MLLT10: variants seen among roughly 807,000 people sequenced by gnomAD.
MLLT10 encodes the protein protein AF-10.
In MLLT10, 30 loss-of-function variants were observed where a neutral mutation model predicts 129.1. The observed-to-expected ratio is 0.23, with a 90% CI of 0.17 to 0.32. The LOEUF (loss-of-function observed/expected upper bound fraction) is 0.32, where lower values mean the gene tolerates loss of function less well. MLLT10 is among the 10% of genes least tolerant of loss of function. The pLI, the probability that MLLT10 is intolerant of heterozygous loss-of-function variation, is 1.00. For synonymous variants in MLLT10, 490 were observed against 446.4 expected, an observed-to-expected ratio of 1.10 and a Z score of -1.23; for missense variants, 1,119 against 1,268.3, an observed-to-expected ratio of 0.88 and a Z score of 1.79.
intron 8 of MLLT10, among the ~76,000 whole-genome samples, chr10:21,647,479 G>C (rs770886364): frequency 6.6e-6 from 1 of 152,126 alleles, no homozygotes; most frequent in African/African-American, 2.4e-5. Context: ...AAAATAGCAA[G>C]ACCCAGTCTC....
chr10:21,535,215 C>T (rs887418719), intron 2 of MLLT10, among the ~76,000 whole-genome samples: 2 of 152,224 alleles, frequency 1.3e-5, no homozygotes, highest in South Asian at 2.1e-4. Context: ...CCCTCTTCTC[C>T]CCTGGCCTGC....
intron 20 of MLLT10, among the ~76,000 whole-genome samples, chr10:21,734,890 GAGTT>G (rs1425363854): frequency 6.6e-6 from 1 of 152,158 alleles, no homozygotes; most frequent in Non-Finnish European, 1.5e-5. Flanking sequence ...TCCATAAAAT[GAGTT>G]AGGGCCTATT....
At chr10:21,649,579 G>A (rs1419562040) in intron 8 of MLLT10, among the ~76,000 whole-genome samples, 1 of 152,224 alleles carries the variant, frequency 6.6e-6, no homozygotes, top group Non-Finnish European at 1.5e-5. Flanking sequence ...CTGGTGGCTA[G>A]CTGGGTGTTC....
At chr10:21,587,664 A>G (rs2042117086) in intron 4 of MLLT10, among the ~76,000 whole-genome samples, 1 of 152,140 alleles carries the variant, frequency 6.6e-6, no homozygotes, top group Admixed American at 6.6e-5. Flanking sequence ...ACTCTTCTCC[A>G]TTTTGGGTAG....
chr10:21,679,920 C>A lies in MLLT10; in HGVS notation c.1622-1412C>A, dbSNP rs1433061552. ...AATATCCAAGGAATTCCCAGTTATC[C>A]CTCCTTTAAAAAAATTTTTGCCAAC... On this transcript the variant is annotated intron_variant, in intron 11 of 22. Transcript: ENST00000307729. Among the ~76,000 whole-genome samples the A allele has an allele frequency of 2.0e-5, 3 of 152,140 alleles. No individual in the cohort carries two copies. In the South Asian group the frequency reaches 6.2e-4, roughly 32 times the overall value.
At chr10:21,627,176 C>T (rs780807956) in intron 8 of MLLT10, among the ~76,000 whole-genome samples, 9 of 152,106 alleles carry the variant, frequency 5.9e-5, no homozygotes, top group Non-Finnish European at 1.2e-4. Context: ...CCATGTCCTT[C>T]GCTCTACCCT....
intron 8 of MLLT10, among the ~76,000 whole-genome samples, chr10:21,621,410 A>G (rs1348839032): frequency 6.7e-6 from 1 of 150,144 alleles, no homozygotes; most frequent in Non-Finnish European, 1.5e-5. Context: ...ACGCCCGGCT[A>G]ATTTTTTTGT....
At chr10:21,668,944 A>G in intron 9 of MLLT10, 1 of 1,317,550 alleles carries the variant, frequency 7.6e-7, no homozygotes, top group East Asian at 3.8e-5. Flanking sequence ...TGTGAGAGGA[A>G]TGGAGAACCT....
chr10:21,633,624 A>G (rs1321794505), intron 8 of MLLT10, among the ~76,000 whole-genome samples: 1 of 152,082 alleles, frequency 6.6e-6, no homozygotes, highest in Non-Finnish European at 1.5e-5. Flanking sequence ...GAGCCCAGGA[A>G]GTCGAGGCCA....
chr10:21,571,250 T>TAC (rs1272851435), intron 3 of MLLT10, among the ~76,000 whole-genome samples: 1 of 152,260 alleles, frequency 6.6e-6, no homozygotes, highest in Non-Finnish European at 1.5e-5. Context: ...ATAGCTCCTT[T>TAC]ACATTGCAAG....
chr10:21,736,744 C>T (rs2058399766), intron 21 of MLLT10, among the ~76,000 whole-genome samples: 1 of 152,206 alleles, frequency 6.6e-6, no homozygotes, highest in Admixed American at 6.5e-5. Flanking sequence ...AGCTTGAAAT[C>T]TCTTTAGATG....
intron 13 of MLLT10, 93 bp downstream of exon 13, chr10:21,682,350 A>G (rs1229584866): frequency 8.2e-7 from 1 of 1,226,806 alleles, no homozygotes; most frequent in Non-Finnish European, 1.2e-6. Context: ...TGTTCTATTG[A>G]TTAGATGAAA....
rs531085243 is a variant in MLLT10 at position 21,570,148 on chromosome 10, A to ACCTG, written c.241-16143_241-16140dup. 4.6e-5 allele frequency among the ~76,000 whole-genome samples: 7 copies of ACCTG among 152,078 alleles called. No individual in the cohort carries two copies. In the South Asian group the frequency reaches 1.5e-3, roughly 32 times the overall value. On this transcript the variant is annotated intron_variant, in intron 3 of 22. Transcript: ENST00000307729. ...GGTCTCGAACTCCTGACCTCAGGTG[A>ACCTG]CCTGCCCACCTCGGCCTCCCAAAGT... is the stretch of plus-strand genomic sequence containing the variant.
chr10:21,557,138 G>GA (rs1217847841), intron 3 of MLLT10: 269 of 1,365,822 alleles, frequency 2.0e-4, no homozygotes, highest in South Asian at 4.4e-4. Flanking sequence ...TTTCCTCTTC[G>GA]CTGTTAAACT....
chr10:21,651,049 T>C (rs773783730), intron 8 of MLLT10, among the ~76,000 whole-genome samples: 1 of 69,042 alleles, frequency 1.4e-5, no homozygotes, highest in Non-Finnish European at 4.3e-5. Flanking sequence ...GTTGTTTTGT[T>C]TTGTTTTGTT....
chr10:21,540,699 TTTATTGATTTATTATTTATTCCAAGA>T (rs1268639106), intron 3 of MLLT10, among the ~76,000 whole-genome samples: 2 of 152,216 alleles, frequency 1.3e-5, no homozygotes, highest in Admixed American at 1.3e-4. Flanking sequence ...TCTTATTATA[TTTATTGATTTATTATTTATTCCAAGA>T]CATCTTGTTA....
intron 8 of MLLT10, among the ~76,000 whole-genome samples, chr10:21,641,372 A>G (rs2047984600): frequency 6.6e-6 from 1 of 152,242 alleles, no homozygotes; most frequent in South Asian, 2.1e-4. Flanking sequence ...TACATACATA[A>G]AAAGGATAAT....
intron 8 of MLLT10, among the ~76,000 whole-genome samples, chr10:21,638,420 C>A (rs1407834731): frequency 6.6e-6 from 1 of 152,078 alleles, no homozygotes; most frequent in Non-Finnish European, 1.5e-5. Context: ...CCAAAGACCC[C>A]ACCTACAAAG....
At chr10:21,647,518 A>G (rs1025252283) in intron 8 of MLLT10, among the ~76,000 whole-genome samples, 5 of 152,138 alleles carry the variant, frequency 3.3e-5, no homozygotes, top group Non-Finnish European at 7.4e-5. Context: ...TGTTCTTTAT[A>G]TGTTTACATT....
Sources: allele counts gnomAD v4.1 joint callset (sites outside exome capture counted in the v4.1 genomes callset), GRCh38; gene constraint gnomAD v4.1.1; transcripts MANE v1.5; gene names NCBI Gene and HGNC (gene_info 2026-07-23, HGNC 2026-07-21).